CROCC: variants seen among roughly 807,000 people sequenced by gnomAD.
CROCC encodes the protein rootletin.
Under a neutral mutation model 245.2 loss-of-function variants are expected in CROCC, and 180 were observed. The ratio of observed to expected loss-of-function variants is 0.73; its 90% CI spans 0.65 to 0.83. The LOEUF is 0.83. CROCC is among the 40% of genes least tolerant of loss of function. The pLI, the probability that CROCC is intolerant of heterozygous loss-of-function variation, is 0.00. For synonymous variants in CROCC, 1,205 were observed against 1,241.6 expected, an observed-to-expected ratio of 0.97 and a Z score of 0.62; for missense variants, 2,688 against 2,779.4, an observed-to-expected ratio of 0.97 and a Z score of 0.74.
At position 16,970,707 on chromosome 1, in the gene CROCC, C is replaced by A; in HGVS notation, c.5724C>A (p.Arg1908=). The part of the protein sequence containing the change: ...RLSAEKGRLD[R]TLTGAELELA... ...GCGCAGAGAAGGGCCGCCTGGACCG[C>A]ACCCTCACGGGGGCTGAGCTGGAGC... Residue 1908 remains arginine, a synonymous_variant, in exon 35 of 37, where the codon CGC becomes CGA. Transcript: ENST00000375541. 1 of 1,605,312 alleles carries A rather than the reference C, an allele frequency of 6.2e-7. No homozygotes were observed. The highest frequency in any genetic ancestry group is 8.5e-7 in the Non-Finnish European group (1 of 1,176,366).
intron 33 of CROCC, 49 bp downstream of exon 33, chr1:16,969,983 G>A: frequency 6.5e-7 from 1 of 1,527,504 alleles, no homozygotes; most frequent in South Asian, 1.3e-5. Context: ...TGAGGCCCTA[G>A]GATAGGGTGG....
At position 16,930,531 on chromosome 1, in the gene CROCC, T is replaced by A; in HGVS notation, c.786T>A (p.Asn262Lys). The A allele has an allele frequency of 6.2e-7, 1 of 1,612,382 alleles. No individual in the cohort carries two copies. Among genetic ancestry groups the A allele is most frequent in the Non-Finnish European group, 8.5e-7 (1 of 1,179,824 alleles). ...GTGAGGACATACGAAAGGTGACCAA[T>A]GACTGGACACGCTGCCGCAAGGAGC... ...ALSEDIRKVT[N>K]DWTRCRKELE... Residue 262 changes from asparagine to lysine, a missense_variant, in exon 7 of 37, where the codon AAT (asparagine) becomes AAA (lysine). Coordinates refer to ENST00000375541, the MANE Select transcript of CROCC (RefSeq NM_014675.5).
At position 16,966,072 on chromosome 1, in the gene CROCC, C is replaced by T; in HGVS notation, c.4649C>T (p.Thr1550Ile). ...AEMEAERDSA[T>I]SRARQLQKAV... is the part of the protein sequence containing the mutation. ...ATGGAGGCTGAGAGGGACAGCGCAA[C>T]CTCGAGGGCCAGGCAGCTGCAGAAG... Residue 1550 changes from threonine (T) to isoleucine (I), a missense_variant, in exon 29 of 37, where the codon ACC (threonine) becomes ATC (isoleucine). Coordinates refer to ENST00000375541, the MANE Select transcript of CROCC (RefSeq NM_014675.5). The surrounding 1 kb of genome is among the most constrained non-coding windows in gnomAD (Gnocchi z 4.8). 6.2e-7 allele frequency: 1 copy of T among 1,613,682 alleles called. No homozygotes were observed. Among genetic ancestry groups the T allele is most frequent in the Non-Finnish European group, 8.5e-7 (1 of 1,179,650 alleles).
intron 13 of CROCC, among the ~76,000 whole-genome samples, chr1:16,943,891 G>A (rs530829435): frequency 3.9e-5 from 6 of 152,396 alleles, no homozygotes; most frequent in African/African-American, 1.2e-4. Flanking sequence ...CCAAGTGGGC[G>A]GACTGGAGAG....
At chr1:16,927,255 A>T (rs1309447796) in intron 3 of CROCC, among the ~76,000 whole-genome samples, 1 of 152,244 alleles carries the variant, frequency 6.6e-6, no homozygotes. Flanking sequence ...GGCACAGAAC[A>T]GTCCCCCCAC....
chr1:16,933,961 T>C (rs1374177940), intron 8 of CROCC, among the ~76,000 whole-genome samples: 1 of 152,286 alleles, frequency 6.6e-6, no homozygotes, highest in African/African-American at 2.4e-5. Flanking sequence ...TGCATCCTTA[T>C]GGTGTCAATT....
chr1:16,961,461 G>A lies in CROCC; in HGVS notation c.4405+331G>A, dbSNP rs530624021. ...TAATTTTTGTAGTTTTTGTGGAGAC[G>A]GGGTCTCACTATGTTGCCCAGGCTG... On this transcript the variant is annotated intron_variant, in intron 27 of 36. Coordinates refer to ENST00000375541, the MANE Select transcript of CROCC (RefSeq NM_014675.5). 3.9e-5 allele frequency among the ~76,000 whole-genome samples: 6 copies of A among 152,048 alleles called. No homozygotes were observed. In the South Asian group the frequency reaches 1.2e-3, roughly 32 times the overall value.
intron 8 of CROCC, 75 bp downstream of exon 8, chr1:16,931,472 T>C: frequency 1.5e-6 from 2 of 1,374,414 alleles, no homozygotes; most frequent in Non-Finnish European, 2.1e-6. Context: ...CTCAGTTGAA[T>C]TTCAGTTCAA....
rs558379750 is a variant in CROCC, at chr1:16,939,045, G to T, written c.1511G>T (p.Gly504Val). 4 of 1,592,204 alleles carry T rather than the reference G, an allele frequency of 2.5e-6. No individual in the cohort carries two copies. Among genetic ancestry groups the T allele is most frequent in the Middle Eastern group, 1.9e-4 (1 of 5,184 alleles). The stretch of plus-strand genomic sequence containing the variant: ...CCGCGGCGCTCCTCGCCCGGCCGAG[G>T]CCGTTCACCCCGCCGAGGCCCCTCC... Reference protein sequence around the residue: ...SPPRRSSPGRGRSPRRGPSPA... With the variant: ...SPPRRSSPGRVRSPRRGPSPA... Residue 504 changes from glycine to valine, a missense_variant, in exon 12 of 37, where the codon GGC (glycine) becomes GTC (valine). Physicochemically the swap from Gly to Val is moderately radical, Grantham distance 109. Around this residue, in one of 9 missense-constraint regions of CROCC, gnomAD observed 972 missense variants for 895.3 expected, o/e 1.09. Coordinates refer to ENST00000375541, the MANE Select transcript of CROCC (RefSeq NM_014675.5).
At chr1:16,960,078 C>G (rs1400419797) in intron 26 of CROCC, among the ~76,000 whole-genome samples, 2 of 152,128 alleles carry the variant, frequency 1.3e-5, no homozygotes, top group African/African-American at 2.4e-5. Flanking sequence ...AGCAGTCTGG[C>G]TAACATGGCA....
At chr1:16,972,238 C>G (rs2076533504) in intron 36 of CROCC, 122 bp from the exon 37 acceptor site, 5 of 799,028 alleles carry the variant, frequency 6.3e-6, no homozygotes, top group Non-Finnish European at 8.8e-6. Flanking sequence ...GCCCCTGGCT[C>G]TCAGTGAGAC....
At chr1:16,918,862 G>A (rs1170200524), upstream of CROCC, among the ~76,000 whole-genome samples, 9 of 151,774 alleles carry the variant, frequency 5.9e-5, no homozygotes, top group African/African-American at 2.2e-4. Flanking sequence ...TCAGCCTCCC[G>A]AGTAGCTGGG....
intron 35 of CROCC, among the ~76,000 whole-genome samples, chr1:16,971,249 G>C (rs1264791512): frequency 7.1e-6 from 1 of 140,412 alleles, no homozygotes; most frequent in Non-Finnish European, 1.5e-5. Context: ...GTGTGTGTGT[G>C]TGTCCATGCA....
chr1:16,965,853 G>C lies in CROCC; in HGVS notation c.4536G>C (p.Arg1512=). The C allele has an allele frequency of 6.2e-7, 1 of 1,613,632 alleles. No homozygotes were observed. Among genetic ancestry groups the C allele is most frequent in the Non-Finnish European group, 8.5e-7 (1 of 1,180,020 alleles). Residue 1512 remains arginine (R), a synonymous_variant, in exon 28 of 37, where the codon CGG becomes CGC. Transcript: ENST00000375541. ...LDPEAVRGAL[R]EFLQELRSAQ... ...CGGAGGCAGTGCGCGGGGCCCTCCG[G>C]GAATTCCTGCAAGAGCTGCGGAGTG...
chr1:16,967,423 G>A (rs773908400), intron 30 of CROCC, among the ~76,000 whole-genome samples: 7 of 152,162 alleles, frequency 4.6e-5, no homozygotes, highest in East Asian at 1.9e-4. Flanking sequence ...GCCTGGGGCC[G>A]AGCTTAGCTG....
Position 16,940,010 on chromosome 1 carries a change from C to A in CROCC, c.1725C>A (p.Asp575Glu). ...ALEEQLQRLR[D>E]KTDGAMQAHE... ...AGGAACAGCTGCAGCGCCTGCGGGA[C>A]AAGACCGACGGCGCCATGCAGGCCC... The change falls in exon 13 of 37, where the codon GAC (aspartate) becomes GAA (glutamate). Residue 575 changes from aspartate (D) to glutamate (E), a missense_variant. By Grantham distance (45) the Asp-to-Glu change is conservative. This residue lies in a region of CROCC where 972 missense variants were observed against 895.3 expected (regional missense o/e 1.09). Coordinates refer to ENST00000375541, the MANE Select transcript of CROCC (RefSeq NM_014675.5). 6.2e-7 allele frequency: 1 copy of A among 1,611,816 alleles called. No individual in the cohort carries two copies. The highest frequency in any genetic ancestry group is 1.3e-5 in the African/African-American group (1 of 75,034).
Position 16,938,466 on chromosome 1 carries a change from C to G in CROCC, c.1357C>G (p.Leu453Val), listed in dbSNP as rs1328922921. 6.3e-7 allele frequency: 1 copy of G among 1,578,150 alleles called. No individual in the cohort carries two copies. Among genetic ancestry groups the G allele is most frequent in the Non-Finnish European group, 8.6e-7 (1 of 1,162,688 alleles). ...TEDGEGLQQTLRDLAQAVLSD... is the reference protein window; with the variant it reads ...TEDGEGLQQTVRDLAQAVLSD... ...GGATGGAGAGGGGCTACAGCAGACC[C>G]TAAGGGACCTGGCACAGGTGTGAGC... The change falls in exon 11 of 37, where the codon CTA (leucine) becomes GTA (valine). Residue 453 changes from leucine to valine, a missense_variant. Coordinates refer to ENST00000375541, the MANE Select transcript of CROCC (RefSeq NM_014675.5).
intron 25 of CROCC, among the ~76,000 whole-genome samples, chr1:16,957,610 T>A (rs2076268120): frequency 6.6e-6 from 1 of 151,768 alleles, no homozygotes; most frequent in African/African-American, 2.4e-5. Context: ...ACCTGGCTAA[T>A]TTTTTTGTAT....
At chr1:16,932,177 C>G (rs1318898030) in intron 8 of CROCC, among the ~76,000 whole-genome samples, 12 of 152,268 alleles carry the variant, frequency 7.9e-5, no homozygotes, top group African/African-American at 2.9e-4. Flanking sequence ...GGCACGGTGG[C>G]TCACGCCTGT....
Sources: allele counts gnomAD v4.1 joint callset (sites outside exome capture counted in the v4.1 genomes callset), GRCh38; gene constraint gnomAD v4.1.1; regional missense constraint gnomAD v4.1.1; non-coding constraint Gnocchi (gnomAD v3.1); transcripts MANE v1.5; gene names NCBI Gene and HGNC (gene_info 2026-07-23, HGNC 2026-07-21).